Variants in DYM observed in about 807,000 individuals in gnomAD.
The protein encoded by DYM is dymeclin, also known as dyggve-Melchior-Clausen syndrome protein.
Under a neutral mutation model 93.1 loss-of-function variants are expected in DYM, and 78 were observed. The observed-to-expected ratio is 0.84, with a 90% CI of 0.70 to 1.01. The LOEUF (loss-of-function observed/expected upper bound fraction) is 1.01, where lower values mean the gene tolerates loss of function less well. Ranked by LOEUF, DYM falls within the 50% of genes least tolerant of loss-of-function variation. The pLI is 0.00. For missense variants in DYM, 789 were observed against 845.0 expected, an observed-to-expected ratio of 0.93 and a Z score of 0.82; for synonymous variants, 321 against 319.7, an observed-to-expected ratio of 1.00 and a Z score of -0.04.
intron 8 of DYM, among the ~76,000 whole-genome samples, chr18:49,299,399 C>T (rs1047533350): frequency 9.9e-5 from 15 of 152,150 alleles, no homozygotes; most frequent in Non-Finnish European, 1.8e-4. Context: ...GAAATATTAC[C>T]CTTTAGGAAA....
chr18:49,258,821 C>CAG (rs1555664074), intron 11 of DYM, among the ~76,000 whole-genome samples: 5,797 of 134,074 alleles, frequency 0.043, 438 homozygotes, highest in Admixed American at 0.14. Context: ...CACACACACA[C>CAG]AGAGACACAC....
At chr18:49,127,899 G>A (rs879676415) in intron 15 of DYM, among the ~76,000 whole-genome samples, 4 of 152,130 alleles carry the variant, frequency 2.6e-5, no homozygotes, top group Non-Finnish European at 4.4e-5. Flanking sequence ...AGGGGGAGGC[G>A]GTGAGCAGAC....
intron 2 of DYM, among the ~76,000 whole-genome samples, chr18:49,428,245 G>A (rs1277246570): frequency 6.6e-6 from 1 of 151,872 alleles, no homozygotes; most frequent in Non-Finnish European, 1.5e-5. Context: ...GAGCCCAGGA[G>A]TTCAAGACCA....
At position 49,377,546 on chromosome 18, in the gene DYM, C is replaced by T. The variant is rs139141339; in HGVS notation, c.421+1021G>A. On this transcript the variant is annotated intron_variant, in intron 5 of 17. Transcript: ENST00000675505. ...CTGCATTCCAGCCTGGGCAACAGAGCGAGACTCCATCTCAAAAAAAATAAA... is the reference window on the plus strand; with the variant it reads ...CTGCATTCCAGCCTGGGCAACAGAGTGAGACTCCATCTCAAAAAAAATAAA... Among the ~76,000 whole-genome samples the T allele has an allele frequency of 5.9e-4, 89 of 151,830 alleles. 1 individual carries two copies. The East Asian group carries it at 0.013, about 23-fold the overall frequency.
intron 1 of DYM, among the ~76,000 whole-genome samples, chr18:49,450,452 T>C (rs2082430055): frequency 1.3e-5 from 2 of 152,228 alleles, no homozygotes; most frequent in Non-Finnish European, 2.9e-5. Context: ...TGTGACATCA[T>C]TTTGGCAAAA....
At chr18:49,318,675 C>T (rs1239543763) in intron 8 of DYM, among the ~76,000 whole-genome samples, 1 of 151,810 alleles carries the variant, frequency 6.6e-6, no homozygotes, top group African/African-American at 2.4e-5. Flanking sequence ...AATAAGGGTC[C>T]CACAATTTTT....
rs552107583 is a variant in DYM at position 49,229,617 on chromosome 18, A to G, written c.1461-19902T>C. Among the ~76,000 whole-genome samples, 11 of 152,268 alleles carry G rather than the reference A, an allele frequency of 7.2e-5. No individual in the cohort carries two copies. In the South Asian group the frequency reaches 2.3e-3, roughly 32 times the overall value. ...ATGGCTTTTACAAAAAGCAAACACTAATTTCTGGTGAAGATGTGGAGCAAC... is the reference window on the plus strand; with the variant it reads ...ATGGCTTTTACAAAAAGCAAACACTGATTTCTGGTGAAGATGTGGAGCAAC... On this transcript the variant is annotated intron_variant, in intron 13 of 17. Transcript: ENST00000675505.
At chr18:49,066,889 T>G (rs937650557) in intron 17 of DYM, among the ~76,000 whole-genome samples, 7 of 152,188 alleles carry the variant, frequency 4.6e-5, no homozygotes, top group African/African-American at 1.7e-4. Context: ...TACCTCTTCA[T>G]CCCATCACAA....
At chr18:49,425,621 G>C (rs1223544103) in intron 2 of DYM, among the ~76,000 whole-genome samples, 1 of 152,134 alleles carries the variant, frequency 6.6e-6, no homozygotes, top group African/African-American at 2.4e-5. Flanking sequence ...TACAGAATGG[G>C]AGAAAATTTT....
At chr18:49,298,390 G>A (rs1399325739) in intron 8 of DYM, among the ~76,000 whole-genome samples, 1 of 152,070 alleles carries the variant, frequency 6.6e-6, no homozygotes, top group Middle Eastern at 3.2e-3. Flanking sequence ...GACCAGCCTG[G>A]CCAACATGGT....
chr18:49,355,367 GATAGATAGATGATAC>G (rs900907991), intron 6 of DYM, among the ~76,000 whole-genome samples: 26 of 148,600 alleles, frequency 1.7e-4, no homozygotes, highest in Middle Eastern at 6.9e-3. Flanking sequence ...TAGGTACATT[GATAGATAGATGATAC>G]ATAGATAGAT....
chr18:49,417,392 C>A (rs1317761271), intron 2 of DYM, among the ~76,000 whole-genome samples: 1 of 152,070 alleles, frequency 6.6e-6, no homozygotes, highest in Non-Finnish European at 1.5e-5. Context: ...TCAAAAGATC[C>A]TCCTGCCTCA....
chr18:49,296,300 A>G (rs190312528), intron 8 of DYM, among the ~76,000 whole-genome samples: 150 of 152,296 alleles, frequency 9.8e-4, no homozygotes, highest in Admixed American at 2.6e-3. Flanking sequence ...TTCAAAGTTG[A>G]TTTCTTTCAA....
At position 49,258,445 on chromosome 18, in the gene DYM, A is replaced by T. The variant is rs1281514710; in HGVS notation, c.1300T>A (p.Ser434Thr). 1 of 1,613,692 alleles carries T rather than the reference A, an allele frequency of 6.2e-7. No individual in the cohort carries two copies. The highest frequency in any genetic ancestry group is 8.5e-7 in the Non-Finnish European group (1 of 1,179,600). Reference protein sequence around the residue: ...WYSERVLTEISLGSLLILVVI... With the variant: ...WYSERVLTEITLGSLLILVVI... ...ACCAGGATCAGGAGACTCCCCAAGGAGATTTCAGTTAAAACTCGTTCTGAA... is the reference window on the plus strand; with the variant it reads ...ACCAGGATCAGGAGACTCCCCAAGGTGATTTCAGTTAAAACTCGTTCTGAA... Residue 434 changes from serine (S) to threonine (T), a missense_variant, in exon 12 of 18, where the codon TCC becomes ACC. Transcript: ENST00000675505.
At chr18:49,218,346 C>T (rs1186717136) in intron 13 of DYM, among the ~76,000 whole-genome samples, 35 of 152,166 alleles carry the variant, frequency 2.3e-4, no homozygotes, top group South Asian at 2.1e-4. Flanking sequence ...GACAGATCAA[C>T]GAAACAGAAA....
At chr18:49,146,684 T>C (rs1036778070) in intron 15 of DYM, among the ~76,000 whole-genome samples, 4 of 151,960 alleles carry the variant, frequency 2.6e-5, no homozygotes, top group African/African-American at 7.3e-5. Context: ...CACTGCTCAA[T>C]GAAATAAAAG....
At chr18:49,275,985 T>A (rs2094839066) in intron 10 of DYM, among the ~76,000 whole-genome samples, 1 of 152,190 alleles carries the variant, frequency 6.6e-6, no homozygotes. Context: ...TCCTTAGGAT[T>A]ATCTATATAT....
intron 17 of DYM, among the ~76,000 whole-genome samples, chr18:49,087,192 C>T (rs2145326140): frequency 6.6e-6 from 1 of 152,270 alleles, no homozygotes; most frequent in South Asian, 2.1e-4. Flanking sequence ...CTGTTATTTA[C>T]ACACTACCCA....
chr18:49,249,552 G>A (rs2094242501), intron 13 of DYM, among the ~76,000 whole-genome samples: 1 of 152,086 alleles, frequency 6.6e-6, no homozygotes, highest in African/African-American at 2.4e-5. Flanking sequence ...GAAGGCTGGG[G>A]GCAAATTGTC....
Sources: gnomAD v4.1 joint callset for allele counts (sites outside exome capture counted in the v4.1 genomes callset) on GRCh38, gnomAD v4.1.1 for gene constraint, MANE v1.5 for transcripts, NCBI Gene and HGNC (gene_info 2026-07-23, HGNC 2026-07-21) for gene names.